The following PSMD1 variants were observed in gnomAD, a reference collection of about 807,000 sequenced individuals.
PSMD1 encodes the protein proteasome 26S subunit, non-ATPase 1, also known as 26S proteasome non-ATPase regulatory subunit 1.
Under a neutral mutation model 119.0 loss-of-function variants are expected in PSMD1, and 18 were observed. The observed-to-expected ratio is 0.15, with a 90% CI of 0.10 to 0.22. The LOEUF is 0.22. Among genes scored for constraint, PSMD1 ranks in the 10% least tolerant of loss-of-function variants. The pLI is 1.00. For synonymous variants in PSMD1, 374 were observed against 396.6 expected, an observed-to-expected ratio of 0.94 and a Z score of 0.68; for missense variants, 702 against 1,158.5, an observed-to-expected ratio of 0.61 and a Z score of 5.72.
chr2:231,165,993 C>T lies in PSMD1; in HGVS notation c.2691C>T (p.Thr897=), dbSNP rs775306689. The T allele has an allele frequency of 1.2e-6, 2 of 1,613,582 alleles. No homozygotes were observed. Among genetic ancestry groups the T allele is most frequent in the Non-Finnish European group, 1.7e-6 (2 of 1,179,760 alleles). ...TTAAGGTCCTAACCATGCCGGAGAC[C>T]TGTAGATACCAGCCTTTCAAACCAG... ...AQLKVLTMPE[T]CRYQPFKPLS... The change falls in exon 23 of 25, where the codon ACC becomes ACT. Residue 897 remains threonine, a synonymous_variant. Coordinates refer to ENST00000308696, the MANE Select transcript of PSMD1 (RefSeq NM_002807.4).
chr2:231,138,006 C>A (rs1696013183), intron 16 of PSMD1, among the ~76,000 whole-genome samples: 1 of 152,202 alleles, frequency 6.6e-6, no homozygotes, highest in Non-Finnish European at 1.5e-5. Flanking sequence ...AATTCAAGAT[C>A]ATAACATTAC....
chr2:231,168,938 C>T (rs920283268), intron 23 of PSMD1, among the ~76,000 whole-genome samples: 4 of 152,140 alleles, frequency 2.6e-5, no homozygotes, highest in African/African-American at 9.7e-5. Flanking sequence ...AGTAACATTC[C>T]TACCCTGCTT....
At chr2:231,109,169 G>T in intron 16 of PSMD1, 1 of 1,614,206 alleles carries the variant, frequency 6.2e-7, no homozygotes, top group Non-Finnish European at 8.5e-7. Flanking sequence ...GAAAACTGTA[G>T]ACACAGTCAA....
chr2:231,150,733 C>G (rs1036451197), intron 18 of PSMD1, among the ~76,000 whole-genome samples: 1 of 152,060 alleles, frequency 6.6e-6, no homozygotes, highest in African/African-American at 2.4e-5. Flanking sequence ...AAATACATCT[C>G]ACCTCAAGGA....
chr2:231,079,171 A>C (rs1456992092), intron 10 of PSMD1, among the ~76,000 whole-genome samples: 1 of 152,140 alleles, frequency 6.6e-6, no homozygotes, highest in African/African-American at 2.4e-5. Context: ...CCAGTCCTTA[A>C]TTCTAAATTA....
chr2:231,117,786 G>A (rs747785347), intron 16 of PSMD1, among the ~76,000 whole-genome samples: 6 of 152,076 alleles, frequency 3.9e-5, no homozygotes, highest in Non-Finnish European at 8.8e-5. Context: ...ACAAGTATAG[G>A]TTGACGCACA....
chr2:231,147,726 T>G (rs1696284215), intron 18 of PSMD1, among the ~76,000 whole-genome samples: 1 of 152,192 alleles, frequency 6.6e-6, no homozygotes, highest in African/African-American at 2.4e-5. Flanking sequence ...GCTAGGGACT[T>G]TAGTATCCAT....
intron 16 of PSMD1, among the ~76,000 whole-genome samples, chr2:231,090,263 C>T (rs1303424567): frequency 2.0e-5 from 3 of 152,200 alleles, no homozygotes; most frequent in Non-Finnish European, 4.4e-5. Context: ...CTGCCATAGG[C>T]TGGGCGTGGT....
intron 19 of PSMD1, among the ~76,000 whole-genome samples, chr2:231,156,727 C>A (rs1000265779): frequency 6.6e-6 from 1 of 151,992 alleles, no homozygotes; most frequent in African/African-American, 2.4e-5. Flanking sequence ...ATTATACATA[C>A]AGTGTACATG....
At chr2:231,057,823 A>T (rs1400518691) in intron 1 of PSMD1, among the ~76,000 whole-genome samples, 1 of 152,270 alleles carries the variant, frequency 6.6e-6, no homozygotes, top group Non-Finnish European at 1.5e-5. Flanking sequence ...TGGAGACTTA[A>T]GCTCCCCGTT....
At chr2:231,097,662 T>C (rs1694758318) in intron 16 of PSMD1, among the ~76,000 whole-genome samples, 1 of 152,178 alleles carries the variant, frequency 6.6e-6, no homozygotes, top group South Asian at 2.1e-4. Flanking sequence ...ACCAAAATAT[T>C]GACTCAAATC....
chr2:231,133,058 T>C (rs1695887801), intron 16 of PSMD1, among the ~76,000 whole-genome samples: 1 of 152,324 alleles, frequency 6.6e-6, no homozygotes, highest in South Asian at 2.1e-4. Flanking sequence ...AGGTTTGTGG[T>C]ATACTTGGTT....
chr2:231,056,906 T>C lies in PSMD1; in HGVS notation c.-120T>C, dbSNP rs374992564. The C allele has an allele frequency of 1.0e-4, 144 of 1,381,120 alleles. No individual in the cohort carries two copies. The African/African-American group carries it at 1.9e-3, about 18-fold the overall frequency. The allele number at this position is 1,381,120 out of a possible 1,614,324, so 85.6% of individuals were successfully genotyped here. A position where few individuals can be genotyped will look rare whatever the true frequency, so the allele number is the denominator to read the frequency against. On this transcript the variant is annotated 5_prime_UTR_variant, in exon 1 of 25. Transcript: ENST00000308696. Reference sequence around the variant, plus strand: ...CGAGCCGGCGGCCTGAGGAGGCGACTGACTGAGCAGCGCACCCGGGGAGCA... The same window carrying C: ...CGAGCCGGCGGCCTGAGGAGGCGACCGACTGAGCAGCGCACCCGGGGAGCA...
intron 19 of PSMD1, among the ~76,000 whole-genome samples, chr2:231,160,608 C>A (rs112353507): frequency 0.022 from 3,375 of 152,264 alleles, 137 homozygotes; most frequent in African/African-American, 0.077. Context: ...ATGCTTGCCT[C>A]TGCTATGGTG....
chr2:231,065,261 G>T lies in PSMD1; in HGVS notation c.305-1645G>T, dbSNP rs968424875. Among the ~76,000 whole-genome samples, 20 of 150,182 alleles carry T rather than the reference G, an allele frequency of 1.3e-4. 1 individual carries two copies. The South Asian group carries it at 2.1e-3, about 16-fold the overall frequency. ...TATGTCATTCCTCTTGGGTGACTGG[G>T]TTTTTTGTTTTTTTGTTTTTTTTGT... On this transcript the variant is annotated intron_variant, in intron 4 of 24. Coordinates refer to ENST00000308696, the MANE Select transcript of PSMD1 (RefSeq NM_002807.4).
chr2:231,129,989 G>A (rs1695816899), intron 16 of PSMD1, among the ~76,000 whole-genome samples: 1 of 151,972 alleles, frequency 6.6e-6, no homozygotes, highest in Non-Finnish European at 1.5e-5. Flanking sequence ...AAGCAGCTGG[G>A]ATTACAGGCG....
Position 231,061,255 on chromosome 2 carries a change from T to C in PSMD1, c.17-12T>C. 1 of 1,582,958 alleles carries C rather than the reference T, an allele frequency of 6.3e-7. No homozygotes were observed. The highest frequency in any genetic ancestry group is 8.7e-7 in the Non-Finnish European group (1 of 1,155,706). On this transcript the variant is annotated splice_polypyrimidine_tract_variant and intron_variant, in intron 1 of 24. Coordinates refer to ENST00000308696, the MANE Select transcript of PSMD1 (RefSeq NM_002807.4). ...TGTGTTTCATAATCATGTTACATCT[T>C]TTTTCTCATAGCTGGAATTATTTCT...
intron 15 of PSMD1, among the ~76,000 whole-genome samples, chr2:231,086,389 G>T (rs559425492): frequency 6.6e-6 from 1 of 152,226 alleles, no homozygotes; most frequent in Non-Finnish European, 1.5e-5. Context: ...GGGCATGGTG[G>T]CGTACACCAG....
chr2:231,168,019 G>A (rs1312401544), intron 23 of PSMD1, among the ~76,000 whole-genome samples: 5 of 152,222 alleles, frequency 3.3e-5, no homozygotes, highest in Non-Finnish European at 5.9e-5. Context: ...GCTCGAGGCT[G>A]TAGTGCAATA....
Sources: allele counts gnomAD v4.1 joint callset (sites outside exome capture counted in the v4.1 genomes callset), GRCh38; gene constraint gnomAD v4.1.1; transcripts MANE v1.5; gene names NCBI Gene and HGNC (gene_info 2026-07-23, HGNC 2026-07-21).